Variants in EXOC4 observed in about 807,000 individuals in gnomAD.
The protein encoded by EXOC4 is SEC8-like 1.
EXOC4 carries 71 observed loss-of-function variants against 107.2 expected under a neutral mutation model. That is an observed-to-expected ratio of 0.66 (90% CI 0.55 to 0.81). EXOC4 has a LOEUF of 0.81. Ranked by LOEUF, EXOC4 falls within the 30% of genes least tolerant of loss-of-function variation. EXOC4 has a pLI of 0.00. For missense variants in EXOC4, 1,108 were observed against 1,189.6 expected, an observed-to-expected ratio of 0.93 and a Z score of 1.01; for synonymous variants, 456 against 441.2, an observed-to-expected ratio of 1.03 and a Z score of -0.42.
At chr7:133,345,857 G>A (rs1795772416) in intron 5 of EXOC4, among the ~76,000 whole-genome samples, 1 of 152,280 alleles carries the variant, frequency 6.6e-6, no homozygotes, top group South Asian at 2.1e-4. Context: ...AGTGGGTGTT[G>A]TATTGTCTGT....
At chr7:133,918,097 C>G (rs1194284151) in intron 13 of EXOC4, among the ~76,000 whole-genome samples, 7 of 151,906 alleles carry the variant, frequency 4.6e-5, no homozygotes, top group Non-Finnish European at 1.0e-4. Flanking sequence ...ATTCTCCTGC[C>G]TCAGCCTCCC....
At chr7:133,627,348 G>A (rs541761108) in intron 9 of EXOC4, among the ~76,000 whole-genome samples, 1 of 152,154 alleles carries the variant, frequency 6.6e-6, no homozygotes, top group Non-Finnish European at 1.5e-5. Flanking sequence ...ACTGGAGCCA[G>A]GTTAGTCAGG....
intron 5 of EXOC4, among the ~76,000 whole-genome samples, chr7:133,340,423 C>CTTTTTTTTTTTTTTTTTTTTTTTTTT (rs200341512): frequency 7.7e-6 from 1 of 129,556 alleles, no homozygotes. Context: ...TAGTATTTTT[C>CTTTTTTTTTTTTTTTTTTTTTTTTTT]TTTTTTTTTT....
At chr7:133,973,410 G>A (rs1415082294) in intron 14 of EXOC4, among the ~76,000 whole-genome samples, 1 of 152,098 alleles carries the variant, frequency 6.6e-6, no homozygotes, top group African/African-American at 2.4e-5. Context: ...CATTATAGAA[G>A]TCACATTATG....
At chr7:133,375,345 G>A (rs752521815) in intron 7 of EXOC4, among the ~76,000 whole-genome samples, 4 of 151,966 alleles carry the variant, frequency 2.6e-5, no homozygotes, top group Admixed American at 6.6e-5. Context: ...GCGTGGTGGC[G>A]GGCGCCTGTA....
chr7:134,051,330 A>G (rs1795781940), intron 17 of EXOC4, among the ~76,000 whole-genome samples: 1 of 152,244 alleles, frequency 6.6e-6, no homozygotes, highest in Non-Finnish European at 1.5e-5. Context: ...AGCCAATAGC[A>G]GAATCAGAGA....
At chr7:133,295,726 C>CTT (rs1282753691) in intron 3 of EXOC4, among the ~76,000 whole-genome samples, 4 of 151,984 alleles carry the variant, frequency 2.6e-5, no homozygotes, top group Admixed American at 6.6e-5. Context: ...CTTCTTTATG[C>CTT]GCAAGGAATG....
chr7:133,812,871 C>A (rs951560745), intron 10 of EXOC4, among the ~76,000 whole-genome samples: 2 of 151,996 alleles, frequency 1.3e-5, no homozygotes, highest in Non-Finnish European at 1.5e-5. Flanking sequence ...AATTTTGTAA[C>A]CTTTGACCAA....
intron 17 of EXOC4, among the ~76,000 whole-genome samples, chr7:134,031,498 A>G (rs2116478087): frequency 6.6e-6 from 1 of 152,294 alleles, no homozygotes; most frequent in Non-Finnish European, 1.5e-5. Flanking sequence ...TAGTGTCATT[A>G]CTATCATCAC....
chr7:133,986,351 A>C (rs1794113993), intron 14 of EXOC4, among the ~76,000 whole-genome samples: 1 of 152,228 alleles, frequency 6.6e-6, no homozygotes, highest in African/African-American at 2.4e-5. Flanking sequence ...GAAACATAGC[A>C]AAAGAACTTA....
intron 15 of EXOC4, among the ~76,000 whole-genome samples, chr7:133,999,915 G>T (rs1794493097): frequency 6.6e-6 from 1 of 152,074 alleles, no homozygotes; most frequent in Admixed American, 6.5e-5. Context: ...TAATTTACAA[G>T]AAACTATACA....
chr7:133,776,508 T>C (rs1489427462), intron 10 of EXOC4, among the ~76,000 whole-genome samples: 1 of 152,190 alleles, frequency 6.6e-6, no homozygotes, highest in African/African-American at 2.4e-5. Context: ...ATTTACCTTC[T>C]TGTGAATGAA....
At chr7:133,874,092 A>C (rs1312380102) in intron 11 of EXOC4, among the ~76,000 whole-genome samples, 1 of 152,198 alleles carries the variant, frequency 6.6e-6, no homozygotes, top group Non-Finnish European at 1.5e-5. Context: ...AGTTATGTTA[A>C]AGCCTAAGGT....
intron 10 of EXOC4, among the ~76,000 whole-genome samples, chr7:133,762,391 G>A (rs950378581): frequency 2.0e-5 from 3 of 152,088 alleles, no homozygotes; most frequent in Admixed American, 6.6e-5. Context: ...ACATTACTAA[G>A]AGCCAAAAAT....
chr7:133,567,942 G>A (rs552435685), intron 9 of EXOC4, among the ~76,000 whole-genome samples: 2 of 152,158 alleles, frequency 1.3e-5, no homozygotes, highest in South Asian at 4.2e-4. Context: ...ATGAGTTATG[G>A]TGCAGATGTT....
At chr7:133,269,574 A>G (rs960382676) in intron 1 of EXOC4, among the ~76,000 whole-genome samples, 3 of 152,176 alleles carry the variant, frequency 2.0e-5, no homozygotes, top group African/African-American at 7.2e-5. Context: ...CTTTCCAAAC[A>G]TGTAGAACAC....
chr7:134,045,789 G>A (rs539219399), intron 17 of EXOC4, among the ~76,000 whole-genome samples: 36 of 151,774 alleles, frequency 2.4e-4, no homozygotes, highest in Admixed American at 7.9e-4. Flanking sequence ...TCCCCCAAAC[G>A]CTACCCCTGG....
chr7:133,327,684 T>C (rs1170647940), intron 5 of EXOC4, among the ~76,000 whole-genome samples: 1 of 152,154 alleles, frequency 6.6e-6, no homozygotes, highest in Non-Finnish European at 1.5e-5. Context: ...TCTGCCTTCA[T>C]TTTGTTATTT....
intron 15 of EXOC4, among the ~76,000 whole-genome samples, chr7:134,004,177 C>A (rs1473238296): frequency 6.6e-6 from 1 of 152,076 alleles, no homozygotes. Flanking sequence ...CAGGGCCTAG[C>A]ACAATTTCTT....
Sources: gnomAD v4.1 joint callset for allele counts (sites outside exome capture counted in the v4.1 genomes callset) on GRCh38, gnomAD v4.1.1 for gene constraint, MANE v1.5 for transcripts, NCBI Gene and HGNC (gene_info 2026-07-23, HGNC 2026-07-21) for gene names.